SCARA3: variants seen among roughly 807,000 people sequenced by gnomAD.
The protein encoded by SCARA3 is cellular stress response gene protein.
Under a neutral mutation model 47.0 loss-of-function variants are expected in SCARA3, and 39 were observed. The observed-to-expected ratio is 0.83, with a 90% CI of 0.64 to 1.08. The LOEUF is 1.08. SCARA3 is among the 50% of genes least tolerant of loss of function. The pLI is 0.00. For synonymous variants in SCARA3, 356 were observed against 334.1 expected (o/e 1.07, Z -0.71); for missense variants, 724 against 792.3 (o/e 0.91, Z 1.04).
At chr8:27,709,101 TG>T in the SCARA3 span, among the ~76,000 whole-genome samples, 1 of 152,222 alleles carries the variant, frequency 6.6e-6, no homozygotes, top group East Asian at 1.9e-4. Flanking sequence ...TCTCTCCACC[TG>T]AAGGAGCATT....
chr8:27,659,146 C>A lies in SCARA3; in HGVS notation c.976C>A (p.His326Asn), dbSNP rs566462223. The change falls in exon 5 of 6, where the codon CAT becomes AAT. Residue 326 changes from histidine (H) to asparagine (N), a missense_variant. His to Asn is a moderately conservative substitution (Grantham distance 68). Coordinates refer to ENST00000301904, the MANE Select transcript of SCARA3 (RefSeq NM_016240.3). ...SFLDDHEENM[H>N]DLQYHTHYAQ... is the part of the protein sequence containing the mutation. ...CCTGGATGACCACGAAGAGAACATG[C>A]ATGATCTTCAGTACCATACCCACTA... The A allele has an allele frequency of 9.3e-6, 15 of 1,614,176 alleles. No individual in the cohort carries two copies. In the African/African-American group the frequency reaches 1.9e-4, roughly 20 times the overall value.
the SCARA3 span, among the ~76,000 whole-genome samples, chr8:27,719,427 G>C: frequency 6.6e-6 from 1 of 151,820 alleles, no homozygotes; most frequent in African/African-American, 2.4e-5. Context: ...ATAACTAATG[G>C]GTTAATGGCT....
intron 5 of SCARA3, among the ~76,000 whole-genome samples, chr8:27,663,357 T>A (rs1002898245): frequency 6.6e-6 from 1 of 152,196 alleles, no homozygotes; most frequent in African/African-American, 2.4e-5. Flanking sequence ...GAACTCCCCA[T>A]GAGGCCACAG....
the SCARA3 span, among the ~76,000 whole-genome samples, chr8:27,699,153 A>C: frequency 6.6e-6 from 1 of 151,904 alleles, no homozygotes; most frequent in Non-Finnish European, 1.5e-5. Flanking sequence ...CTGAGGCAGA[A>C]GAATAGTGGG....
At chr8:27,701,147 C>T in the SCARA3 span, 2 of 151,344 alleles carry the variant, frequency 1.3e-5, no homozygotes, top group Non-Finnish European at 2.9e-5. Flanking sequence ...CTCAAAAGCA[C>T]ATTGAGTAGA....
At chr8:27,646,105 G>A (rs1801487219) in intron 1 of SCARA3, among the ~76,000 whole-genome samples, 1 of 152,204 alleles carries the variant, frequency 6.6e-6, no homozygotes, top group Non-Finnish European at 1.5e-5. Context: ...CTTAGTGCTG[G>A]AAGACAGGAA....
intron 1 of SCARA3, among the ~76,000 whole-genome samples, chr8:27,638,147 A>T (rs569686680): frequency 2.6e-4 from 39 of 152,258 alleles, no homozygotes; most frequent in South Asian, 6.2e-4. Context: ...ATCGAGAGCG[A>T]GGAAAAAGCC....
chr8:27,697,835 C>T, the SCARA3 span, among the ~76,000 whole-genome samples: 3 of 152,154 alleles, frequency 2.0e-5, no homozygotes, highest in African/African-American at 7.2e-5. Flanking sequence ...CTTTGCTACT[C>T]GTTTGCCTTC....
downstream of SCARA3, chr8:27,680,073 C>T (rs1330568608): frequency 2.6e-5 from 4 of 151,460 alleles, no homozygotes; most frequent in Non-Finnish European, 5.9e-5. Flanking sequence ...ATGTTGGATG[C>T]AGATAAAGCA....
At chr8:27,707,085 G>A in the SCARA3 span, among the ~76,000 whole-genome samples, 7 of 152,140 alleles carry the variant, frequency 4.6e-5, no homozygotes, top group Non-Finnish European at 8.8e-5. Flanking sequence ...TGAGATTTAG[G>A]GCTGAAAAGG....
the SCARA3 span, among the ~76,000 whole-genome samples, chr8:27,722,891 C>T: frequency 4.6e-5 from 7 of 152,160 alleles, no homozygotes; most frequent in South Asian, 2.1e-4. Flanking sequence ...GACCCCGGCA[C>T]CAGGTCCACT....
At chr8:27,663,231 C>T (rs1018881723) in intron 5 of SCARA3, among the ~76,000 whole-genome samples, 2 of 152,232 alleles carry the variant, frequency 1.3e-5, no homozygotes, top group African/African-American at 4.8e-5. Flanking sequence ...TCAGGGACGT[C>T]TCAGGAAGGG....
In SCARA3 at chr8:27,650,374, G is replaced by T. The variant is rs1270863427; in HGVS notation, c.106+574G>T. 3.9e-5 allele frequency among the ~76,000 whole-genome samples: 6 copies of T among 152,104 alleles called. No homozygotes were observed. The South Asian group carries it at 6.2e-4, about 16-fold the overall frequency. Reference sequence around the variant, plus strand: ...CATCAGGGACTTCTGCCATCTCCCAGAGCTACATACCCTGTCCCTGGGGCC... The same window carrying T: ...CATCAGGGACTTCTGCCATCTCCCATAGCTACATACCCTGTCCCTGGGGCC... On this transcript the variant is annotated intron_variant, in intron 2 of 5. Coordinates refer to ENST00000301904, the MANE Select transcript of SCARA3 (RefSeq NM_016240.3).
intron 5 of SCARA3, among the ~76,000 whole-genome samples, chr8:27,659,912 A>G (rs939426137): frequency 6.7e-6 from 1 of 150,118 alleles, no homozygotes; most frequent in African/African-American, 2.4e-5. Context: ...GGAAAAGAAC[A>G]TCCTTGCAAA....
At chr8:27,724,644 C>T in the SCARA3 span, among the ~76,000 whole-genome samples, 2 of 152,048 alleles carry the variant, frequency 1.3e-5, no homozygotes, top group South Asian at 2.1e-4. Context: ...GGCGACAGGG[C>T]AAGACTCCTT....
chr8:27,646,801 G>A (rs1348907592), intron 1 of SCARA3, among the ~76,000 whole-genome samples: 1 of 152,156 alleles, frequency 6.6e-6, no homozygotes, highest in African/African-American at 2.4e-5. Context: ...TAATCCTGGT[G>A]ACTGCCCAGG....
the SCARA3 span, among the ~76,000 whole-genome samples, chr8:27,715,802 C>T: frequency 6.9e-6 from 1 of 145,888 alleles, no homozygotes; most frequent in East Asian, 2.0e-4. The surrounding 1 kb of genome is among the most constrained non-coding windows in gnomAD (Gnocchi z 4.2). Context: ...AGATAGATGA[C>T]AGATATAGAT....
Position 27,672,827 on chromosome 8 carries a change from G to T in SCARA3, c.*1476G>T, listed in dbSNP as rs139422585. The T allele has an allele frequency of 1.8e-5, 18 of 985,694 alleles. No individual in the cohort carries two copies. The highest frequency in any genetic ancestry group is 2.2e-5 in the Non-Finnish European group (18 of 830,118). The allele number at this position is 985,694 out of a possible 1,614,324, so 61.1% of individuals were successfully genotyped here. On this transcript the variant is annotated 3_prime_UTR_variant, in exon 6 of 6. Coordinates refer to ENST00000301904, the MANE Select transcript of SCARA3 (RefSeq NM_016240.3). ...CCACCGCCCGCAAGGTTAGGGCATA[G>T]AGTTGTCTCCTTCCCAACACGGACC...
the SCARA3 span, among the ~76,000 whole-genome samples, chr8:27,704,929 C>T: frequency 6.6e-6 from 1 of 152,144 alleles, no homozygotes; most frequent in Non-Finnish European, 1.5e-5. Flanking sequence ...TCCTTGGTGA[C>T]ATCATGTTTT....
Sources: gnomAD v4.1 joint callset for allele counts (sites outside exome capture counted in the v4.1 genomes callset) on GRCh38, gnomAD v4.1.1 for gene constraint, Gnocchi (gnomAD v3.1) non-coding constraint, MANE v1.5 for transcripts, NCBI Gene and HGNC (gene_info 2026-07-23, HGNC 2026-07-21) for gene names.